The following GABRA3 variants were observed in gnomAD, a reference collection of about 807,000 sequenced individuals.
GABRA3 encodes gamma-aminobutyric acid type A receptor subunit alpha3.
In GABRA3, 10 loss-of-function variants were observed where a neutral mutation model predicts 30.1. The ratio of observed to expected loss-of-function variants is 0.33; its 90% confidence interval spans 0.20 to 0.56. GABRA3 has a LOEUF of 0.56. GABRA3 is among the 20% of genes least tolerant of loss of function. The probability of loss-of-function intolerance (pLI) is 0.89; values close to 1 mark genes in which losing one functional copy is unlikely to be tolerated. For missense variants in GABRA3, 233 were observed against 392.0 expected, an observed-to-expected ratio of 0.59 and a Z score of 3.42; for synonymous variants, 151 against 146.8, an observed-to-expected ratio of 1.03 and a Z score of -0.21.
chrX:152,353,409 C>T (rs1312397825), intron 2 of GABRA3, among the ~76,000 whole-genome samples: 1 of 111,806 alleles, frequency 8.9e-6, no homozygotes, highest in Non-Finnish European at 1.9e-5. Context: ...AGCAGGGGTA[C>T]ATTCTTCCTT....
At chrX:152,384,039 C>T (rs1929230294) in intron 1 of GABRA3, among the ~76,000 whole-genome samples, 1 of 104,875 alleles carries the variant, frequency 9.5e-6, no homozygotes, top group Non-Finnish European at 2.0e-5. Context: ...TTGAAGGATA[C>T]AAAATACCCT....
chrX:152,294,297 C>T (rs1190212727), intron 3 of GABRA3, among the ~76,000 whole-genome samples: 1 of 111,232 alleles, frequency 9.0e-6, no homozygotes, highest in African/African-American at 3.3e-5. Context: ...TCACATAGTC[C>T]CATATTTCTT....
At chrX:152,182,879 G>GTATATA (rs989340509) in intron 9 of GABRA3, among the ~76,000 whole-genome samples, 15 of 94,609 alleles carry the variant, frequency 1.6e-4, no homozygotes, top group African/African-American at 5.3e-4. Context: ...TATATATAGT[G>GTATATA]TATATATATA....
chrX:152,251,016 C>G, intron 5 of GABRA3: 1 of 261,151 alleles, frequency 3.8e-6, no homozygotes, highest in South Asian at 4.6e-5. Context: ...AGAAAGGTCA[C>G]TAGGTGAATC....
chrX:152,386,072 G>A (rs1250248300), intron 1 of GABRA3, among the ~76,000 whole-genome samples: 2 of 108,033 alleles, frequency 1.9e-5, no homozygotes, highest in Non-Finnish European at 3.8e-5. Context: ...ACTTGGCGAT[G>A]TGGGCTCTTT....
At chrX:152,211,048 C>G (rs1345465040) in intron 6 of GABRA3, among the ~76,000 whole-genome samples, 2 of 110,865 alleles carry the variant, frequency 1.8e-5, no homozygotes, top group South Asian at 3.8e-4. Context: ...GGTACCCCTA[C>G]TCCTAAGCAG....
At chrX:152,427,248 T>C (rs750220635) in intron 1 of GABRA3, among the ~76,000 whole-genome samples, 7 of 111,870 alleles carry the variant, frequency 6.3e-5, no homozygotes, top group Non-Finnish European at 1.3e-4. Context: ...TTAAAGTCCT[T>C]TAATGACTCC....
chrX:152,168,800 T>C (rs962518975), intron 9 of GABRA3, among the ~76,000 whole-genome samples: 2 of 112,249 alleles, frequency 1.8e-5, no homozygotes, highest in African/African-American at 6.5e-5. Flanking sequence ...TTTGGCTAAG[T>C]CACTTTTCCT....
chrX:152,337,829 A>T (rs1421025680), intron 3 of GABRA3, among the ~76,000 whole-genome samples: 1 of 112,030 alleles, frequency 8.9e-6, no homozygotes, highest in Non-Finnish European at 1.9e-5. Flanking sequence ...ACAAAAAATT[A>T]AAAAACAAAC....
intron 1 of GABRA3, among the ~76,000 whole-genome samples, chrX:152,408,154 C>T (rs1317680744): frequency 9.0e-6 from 1 of 111,566 alleles, no homozygotes; most frequent in Non-Finnish European, 1.9e-5. Context: ...TTTCCTCTAA[C>T]ATCTGGAACT....
At chrX:152,420,216 T>C (rs1199516389) in intron 1 of GABRA3, among the ~76,000 whole-genome samples, 2 of 111,468 alleles carry the variant, frequency 1.8e-5, no homozygotes, top group African/African-American at 6.5e-5. Flanking sequence ...AGGAATGAAA[T>C]AGAAGATGCC....
At chrX:152,368,701 C>CTTTTTTTTTT (rs59912352) in intron 1 of GABRA3, among the ~76,000 whole-genome samples, 1 of 49,565 alleles carries the variant, frequency 2.0e-5, no homozygotes, top group African/African-American at 8.2e-5. Flanking sequence ...AATTTTTTTT[C>CTTTTTTTTTT]TTTTTTTTTT....
intron 9 of GABRA3, among the ~76,000 whole-genome samples, chrX:152,172,951 TACACACACACAC>T (rs58184376): frequency 1.4e-4 from 14 of 102,583 alleles, no homozygotes; most frequent in South Asian, 9.0e-4. Flanking sequence ...CGAGTATGTG[TACACACACACAC>T]ACACACACAC....
intron 3 of GABRA3, among the ~76,000 whole-genome samples, chrX:152,337,878 C>T (rs757925930): frequency 3.0e-4 from 33 of 111,537 alleles, no homozygotes; most frequent in Non-Finnish European, 4.9e-4. Context: ...TGTAATTTTC[C>T]GTGGCTGAAT....
intron 5 of GABRA3, among the ~76,000 whole-genome samples, chrX:152,227,552 TA>T (rs1937986317): frequency 1.9e-5 from 2 of 106,036 alleles, no homozygotes; most frequent in Non-Finnish European, 3.9e-5. Context: ...TATATATATA[TA>T]TTAAAAAAAG....
chrX:152,432,418 T>A (rs925614621), intron 1 of GABRA3, among the ~76,000 whole-genome samples: 1 of 110,288 alleles, frequency 9.1e-6, no homozygotes, highest in Non-Finnish European at 1.9e-5. Context: ...AAGCAAACTT[T>A]AAAAAAAAAT....
At chrX:152,170,141 G>C (rs1471351916) in intron 9 of GABRA3, among the ~76,000 whole-genome samples, 2 of 112,146 alleles carry the variant, frequency 1.8e-5, no homozygotes, top group Non-Finnish European at 3.8e-5. Flanking sequence ...GATTGCCATT[G>C]AACGTGATCA....
chrX:152,287,359 G>A (rs923572243), intron 3 of GABRA3, among the ~76,000 whole-genome samples: 3 of 110,750 alleles, frequency 2.7e-5, no homozygotes, highest in Middle Eastern at 4.7e-3. Flanking sequence ...GTGTCAAGGC[G>A]GGACCAGGTG....
chrX:152,332,277 A>T (rs747376987), intron 3 of GABRA3, among the ~76,000 whole-genome samples: 7 of 112,110 alleles, frequency 6.2e-5, no homozygotes, highest in Non-Finnish European at 1.3e-4. Context: ...CTCTCTTCAT[A>T]ATGCATAGAA....
Sources: gnomAD v4.1 joint callset for allele counts (sites outside exome capture counted in the v4.1 genomes callset) on GRCh38, gnomAD v4.1.1 for gene constraint, MANE v1.5 for transcripts, NCBI Gene and HGNC (gene_info 2026-07-23, HGNC 2026-07-21) for gene names.